TNFAIP6: variants seen among roughly 807,000 people sequenced by gnomAD.
TNFAIP6 encodes tumor necrosis factor-inducible gene 6 protein.
In TNFAIP6, 36 loss-of-function variants were observed where a neutral mutation model predicts 33.7. That is an observed-to-expected ratio of 1.07 (90% CI 0.82 to 1.41). The LOEUF is 1.41. Ranked by LOEUF, TNFAIP6 falls within the 40% of genes most tolerant of loss-of-function variation. The probability of loss-of-function intolerance (pLI) is 0.00; values close to 1 mark genes in which losing one functional copy is unlikely to be tolerated. For synonymous variants in TNFAIP6, 113 were observed against 112.8 expected, an observed-to-expected ratio of 1.00 and a Z score of -0.01; for missense variants, 273 against 331.9, an observed-to-expected ratio of 0.82 and a Z score of 1.38.
At chr2:151,361,380 C>G (rs1684621773) in intron 1 of TNFAIP6, among the ~76,000 whole-genome samples, 2 of 152,040 alleles carry the variant, frequency 1.3e-5, no homozygotes, top group South Asian at 4.1e-4. Flanking sequence ...CCGGCCAAAT[C>G]TCCGTTCATT....
intron 1 of TNFAIP6, among the ~76,000 whole-genome samples, chr2:151,357,975 G>T (rs1388128635): frequency 6.6e-6 from 1 of 151,348 alleles, no homozygotes; most frequent in Admixed American, 6.6e-5. Context: ...AAAGTGAATT[G>T]TTCAGTAGAA....
chr2:151,375,178 A>G (rs1684883459), intron 5 of TNFAIP6, among the ~76,000 whole-genome samples: 2 of 151,438 alleles, frequency 1.3e-5, no homozygotes, highest in Admixed American at 1.3e-4. Flanking sequence ...TTTTTTCTCT[A>G]AAGTAGACAA....
intron 1 of TNFAIP6, among the ~76,000 whole-genome samples, chr2:151,363,597 GC>G (rs1297001176): frequency 2.0e-5 from 3 of 152,042 alleles, no homozygotes; most frequent in Non-Finnish European, 4.4e-5. Context: ...GGGAGGCGGA[GC>G]TTGCAGTGAG....
intron 3 of TNFAIP6, among the ~76,000 whole-genome samples, chr2:151,366,723 C>G (rs1684717700): frequency 6.6e-6 from 1 of 152,148 alleles, no homozygotes; most frequent in African/African-American, 2.4e-5. Context: ...TAAATTCTTT[C>G]CTTAATTTCT....
intron 4 of TNFAIP6, among the ~76,000 whole-genome samples, chr2:151,373,029 T>A (rs1281500505): frequency 6.6e-6 from 1 of 152,118 alleles, no homozygotes; most frequent in Admixed American, 6.6e-5. Flanking sequence ...TCCTTTAAAA[T>A]CTCATTGGCT....
rs34640251 is a variant in TNFAIP6, at chr2:151,362,480, C to CTTTTTTTTTTTTTTTTTTTT, written c.95-1452_95-1433dup. 5.3e-5 allele frequency among the ~76,000 whole-genome samples: 3 copies of CTTTTTTTTTTTTTTTTTTTT among 56,944 alleles called. 1 individual carries two copies. Among genetic ancestry groups the CTTTTTTTTTTTTTTTTTTTT allele is most frequent in the South Asian group, 6.1e-4 (1 of 1,652 alleles). 37.4% of individuals were successfully genotyped at this position (56,944 alleles called of 152,430 possible). ...CAGTTTTTATTTGTCTTACTAAATTCTTTTTTTTTTTTTTTTTTTTTTTTT... is the reference window on the plus strand; with the variant it reads ...CAGTTTTTATTTGTCTTACTAAATTCTTTTTTTTTTTTTTTTTTTTTTTTTTTTTTTTTTTTTTTTTTTTT... On this transcript the variant is annotated intron_variant, in intron 1 of 5. Transcript: ENST00000243347.
chr2:151,363,488 G>T lies in TNFAIP6; in HGVS notation c.95-455G>T, dbSNP rs368799277. ...CTGGCTAACACGGTGAAACCCTGTC[G>T]CTACTTTAAAAAAAAAAAAAAAAAT... On this transcript the variant is annotated intron_variant, in intron 1 of 5. Transcript: ENST00000243347. Among the ~76,000 whole-genome samples, 21 of 82,394 alleles carry T rather than the reference G, an allele frequency of 2.5e-4. 1 individual carries two copies. Among genetic ancestry groups the T allele is most frequent in the African/African-American group, 8.4e-4 (20 of 23,918 alleles). The allele number at this position is 82,394 out of a possible 152,430, so 54.1% of individuals were successfully genotyped here.
At chr2:151,361,716 C>T (rs918660181) in intron 1 of TNFAIP6, among the ~76,000 whole-genome samples, 4 of 152,110 alleles carry the variant, frequency 2.6e-5, no homozygotes, top group Middle Eastern at 3.2e-3. Context: ...CAAAATACCC[C>T]GTGGTATGAT....
chr2:151,371,034 G>A (rs1684808093), intron 4 of TNFAIP6, among the ~76,000 whole-genome samples: 1 of 151,680 alleles, frequency 6.6e-6, no homozygotes, highest in South Asian at 2.1e-4. Context: ...CTGCACCACT[G>A]CACTCTAGCC....
At chr2:151,363,793 C>A in intron 1 of TNFAIP6, 150 bp from the exon 2 acceptor site, 1 of 774,616 alleles carries the variant, frequency 1.3e-6, no homozygotes, top group Non-Finnish European at 1.9e-6. Context: ...AGTTTCCTAA[C>A]AGTGAAAACT....
In TNFAIP6 at chr2:151,370,126, C is replaced by T; in HGVS notation, c.501C>T (p.Leu167=). The T allele has an allele frequency of 6.2e-7, 1 of 1,614,038 alleles. No individual in the cohort carries two copies. Among genetic ancestry groups the T allele is most frequent in the Non-Finnish European group, 8.5e-7 (1 of 1,179,978 alleles). The change falls in exon 4 of 6, where the codon CTC becomes CTT. Residue 167 remains leucine (L), a synonymous_variant. Transcript: ENST00000243347. ...AAATCTGCTACTGGCACATTAGACT[C>T]AAGTATGGTCAGCGTATTCACCTGA... ...DNQICYWHIR[L]KYGQRIHLSF...
chr2:151,368,211 A>T (rs1007679917), intron 3 of TNFAIP6: 5 of 153,942 alleles, frequency 3.2e-5, no homozygotes, highest in Non-Finnish European at 7.3e-5. Context: ...TCTGTATTTT[A>T]TCCTTAGAAT....
intron 1 of TNFAIP6, among the ~76,000 whole-genome samples, chr2:151,358,292 C>T (rs1340551936): frequency 1.3e-5 from 2 of 152,214 alleles, no homozygotes; most frequent in African/African-American, 4.8e-5. Flanking sequence ...GTTTCTCCTT[C>T]TGAATGCATT....
At chr2:151,366,965 C>T (rs1346320045) in intron 3 of TNFAIP6, among the ~76,000 whole-genome samples, 1 of 152,022 alleles carries the variant, frequency 6.6e-6, no homozygotes, top group Non-Finnish European at 1.5e-5. Context: ...GGTATATTTC[C>T]ACCAGGACAA....
At chr2:151,370,479 C>G (rs550730360) in intron 4 of TNFAIP6, among the ~76,000 whole-genome samples, 17 of 150,072 alleles carry the variant, frequency 1.1e-4, no homozygotes, top group African/African-American at 3.5e-4. Flanking sequence ...ACTAGTTAGT[C>G]TATTTTATAA....
At chr2:151,368,556 A>G (rs1359553452) in intron 3 of TNFAIP6, 2 of 151,760 alleles carry the variant, frequency 1.3e-5, no homozygotes, top group Non-Finnish European at 2.9e-5. Context: ...TGTTTTTCTT[A>G]TGACAATTTA....
At chr2:151,370,996 G>A (rs1019392188) in intron 4 of TNFAIP6, among the ~76,000 whole-genome samples, 17 of 152,060 alleles carry the variant, frequency 1.1e-4, no homozygotes, top group Admixed American at 7.2e-4. Flanking sequence ...ACTTGAACCC[G>A]GGAGGTGGAG....
At chr2:151,369,605 TCC>T (rs1291852284) in intron 3 of TNFAIP6, among the ~76,000 whole-genome samples, 1 of 152,074 alleles carries the variant, frequency 6.6e-6, no homozygotes, top group Admixed American at 6.6e-5. Flanking sequence ...AAGATCCATT[TCC>T]ACACAAAAAA....
chr2:151,378,310 T>C (rs762992987), intron 5 of TNFAIP6, among the ~76,000 whole-genome samples: 18 of 152,204 alleles, frequency 1.2e-4, no homozygotes, highest in Non-Finnish European at 1.8e-4. Context: ...TTGGTCTTTA[T>C]ATTACGGTAA....
Sources: allele counts gnomAD v4.1 joint callset (sites outside exome capture counted in the v4.1 genomes callset), GRCh38; gene constraint gnomAD v4.1.1; transcripts MANE v1.5; gene names NCBI Gene and HGNC (gene_info 2026-07-23, HGNC 2026-07-21).